The following CRAMP1 variants were observed in gnomAD, a reference collection of about 807,000 sequenced individuals.
The protein encoded by CRAMP1 is cramped chromatin regulator 1.
In CRAMP1, 50 loss-of-function variants were observed where a neutral mutation model predicts 115.4. That is an observed-to-expected ratio of 0.43 (90% confidence interval 0.35 to 0.55). CRAMP1 has a LOEUF of 0.55. Ranked by LOEUF, CRAMP1 falls within the 20% of genes least tolerant of loss-of-function variation. The pLI, the probability that CRAMP1 is intolerant of heterozygous loss-of-function variation, is 0.01. For synonymous variants in CRAMP1, 866 were observed against 745.4 expected, an observed-to-expected ratio of 1.16 and a Z score of -2.64; for missense variants, 1,679 against 1,721.7, an observed-to-expected ratio of 0.98 and a Z score of 0.44.
At position 1,672,395 on chromosome 16, in the gene CRAMP1, C is replaced by T. The variant is rs1411013802; in HGVS notation, c.3646-1486C>T. 6.6e-6 allele frequency among the ~76,000 whole-genome samples: 1 copy of T among 151,794 alleles called. No homozygotes were observed. Among genetic ancestry groups the T allele is most frequent in the Non-Finnish European group, 1.5e-5 (1 of 68,000 alleles). On this transcript the variant is annotated intron_variant, in intron 20 of 20. Coordinates refer to ENST00000397412, the MANE Select transcript of CRAMP1 (RefSeq NM_020825.4). This position sits in a 1 kb window ranked among gnomAD's most constrained non-coding sequence, Gnocchi z 4.9. Reference sequence around the variant, plus strand: ...ACGTGAGTATGTTTCTCAGCAGGTCCTCGTCATCTGGAAGGATGGGCTGAG... The same window carrying T: ...ACGTGAGTATGTTTCTCAGCAGGTCTTCGTCATCTGGAAGGATGGGCTGAG...
intron 2 of CRAMP1, among the ~76,000 whole-genome samples, chr16:1,617,070 C>A (rs13336178): frequency 6.6e-6 from 1 of 151,924 alleles, no homozygotes; most frequent in Non-Finnish European, 1.5e-5. Context: ...GTGATCCTCC[C>A]GCCTCAGCCC....
chr16:1,664,922 T>C, intron 13 of CRAMP1, 135 bp from the exon 14 acceptor site: 1 of 673,634 alleles, frequency 1.5e-6, no homozygotes, highest in South Asian at 1.7e-5. Context: ...CCAGGTACCC[T>C]GTGTCATCGG....
rs531233897 is a variant in CRAMP1 at position 1,675,831 on chromosome 16, T to C, written c.*1786T>C. 1 of 152,374 alleles carries C rather than the reference T, an allele frequency of 6.6e-6. No homozygotes were observed. Among genetic ancestry groups the C allele is most frequent in the African/African-American group, 2.4e-5 (1 of 41,580 alleles). 9.4% of individuals were successfully genotyped at this position (152,374 alleles called of 1,614,324 possible). A position where few individuals can be genotyped will look rare whatever the true frequency, so the allele number is the denominator to read the frequency against. ...CCTCTTAGGGGTGAAAAAAGAAACA[T>C]GCCACTTGATTAGGAGAGAGACAGC... On this transcript the variant is annotated 3_prime_UTR_variant, in exon 21 of 21. Coordinates refer to ENST00000397412, the MANE Select transcript of CRAMP1 (RefSeq NM_020825.4).
Position 1,674,380 on chromosome 16 carries a change from T to G in CRAMP1, c.*335T>G, listed in dbSNP as rs1459693455. On this transcript the variant is annotated 3_prime_UTR_variant, in exon 21 of 21. Coordinates refer to ENST00000397412, the MANE Select transcript of CRAMP1 (RefSeq NM_020825.4). Reference sequence around the variant, plus strand: ...GTTGGACATTCCGGTGGCATTTCCTTCTGAGACAAGGGAGTATGTGTGCCT... The same window carrying G: ...GTTGGACATTCCGGTGGCATTTCCTGCTGAGACAAGGGAGTATGTGTGCCT... The G allele has an allele frequency of 3.3e-6, 1 of 302,928 alleles. No homozygotes were observed. Among genetic ancestry groups the G allele is most frequent in the Non-Finnish European group, 6.3e-6 (1 of 159,610 alleles). The allele number at this position is 302,928 out of a possible 1,614,324, so 18.8% of individuals were successfully genotyped here.
intron 2 of CRAMP1, among the ~76,000 whole-genome samples, chr16:1,624,996 G>A (rs1407737532): frequency 6.6e-6 from 1 of 152,122 alleles, no homozygotes; most frequent in Non-Finnish European, 1.5e-5. Context: ...CAAAGTGCTG[G>A]GATTACAGGA....
intron 6 of CRAMP1, chr16:1,645,297 G>A (rs1050507745): frequency 9.4e-6 from 2 of 213,540 alleles, no homozygotes; most frequent in South Asian, 4.4e-5. Flanking sequence ...AGCGATTCTC[G>A]TGCCTCAGCT....
intron 2 of CRAMP1, among the ~76,000 whole-genome samples, chr16:1,625,442 A>G (rs968192146): frequency 3.9e-5 from 6 of 152,186 alleles, no homozygotes; most frequent in Admixed American, 3.9e-4. Context: ...GATTGAGGGT[A>G]AGGAATTTTA....
chr16:1,666,441 T>A lies in CRAMP1; in HGVS notation c.2877T>A (p.Ala959=). ...SHLASAIDLA[A]TSAGILSGNP... is the part of the protein sequence containing the mutation. ...TGCCAGGTGCTATCGACTTAGCAGC[T>A]ACAAGTGCCGGCATCCTTTCCGGGA... The change falls in exon 16 of 21, where the codon GCT becomes GCA. Residue 959 remains alanine (A), a synonymous_variant. Coordinates refer to ENST00000397412, the MANE Select transcript of CRAMP1 (RefSeq NM_020825.4). The surrounding 1 kb of genome is among the most constrained non-coding windows in gnomAD (Gnocchi z 5.0). 1 of 1,613,450 alleles carries A rather than the reference T, an allele frequency of 6.2e-7. No individual in the cohort carries two copies. Among genetic ancestry groups the A allele is most frequent in the Non-Finnish European group, 8.5e-7 (1 of 1,179,650 alleles).
At chr16:1,641,674 C>G (rs1055893019) in intron 6 of CRAMP1, among the ~76,000 whole-genome samples, 1 of 152,204 alleles carries the variant, frequency 6.6e-6, no homozygotes, top group Non-Finnish European at 1.5e-5. Context: ...GGCACATGCT[C>G]TCCTGGCCAC....
chr16:1,625,695 G>A lies in CRAMP1; in HGVS notation c.347-278G>A, dbSNP rs2036502387. The A allele has an allele frequency of 6.2e-6, 2 of 323,252 alleles. 1 individual carries two copies. The highest frequency in any genetic ancestry group is 1.1e-4 in the South Asian group (2 of 18,812). The allele number at this position is 323,252 out of a possible 1,614,324, so 20.0% of individuals were successfully genotyped here. A position where few individuals can be genotyped will look rare whatever the true frequency, so the allele number is the denominator to read the frequency against. The stretch of plus-strand genomic sequence containing the variant: ...CTCCATTGTGGACAGGGCGTCTTAG[G>A]CTGCAGCGTCATTGTGCTGTTACAT... On this transcript the variant is annotated intron_variant, in intron 2 of 20. Transcript: ENST00000397412.
At chr16:1,659,696 CTT>C (rs1170843974) in intron 10 of CRAMP1, among the ~76,000 whole-genome samples, 188 bp from the exon 11 acceptor site, 1 of 152,188 alleles carries the variant, frequency 6.6e-6, no homozygotes, top group African/African-American at 2.4e-5. Context: ...CGACCAGTAA[CTT>C]TTAAAACTGG....
chr16:1,651,372 G>A (rs1011377874), intron 6 of CRAMP1, among the ~76,000 whole-genome samples: 9 of 149,882 alleles, frequency 6.0e-5, no homozygotes, highest in African/African-American at 1.7e-4. Flanking sequence ...CACAGGTCAC[G>A]GAAAGGTGGA....
At chr16:1,665,995 A>C in intron 14 of CRAMP1, 78 bp from the exon 15 acceptor site, 1 of 910,012 alleles carries the variant, frequency 1.1e-6, no homozygotes, top group Non-Finnish European at 1.8e-6. Context: ...CTGTAAAGGA[A>C]GCCCCCTGCG....
chr16:1,633,186 C>T (rs557390636), intron 4 of CRAMP1, among the ~76,000 whole-genome samples: 2 of 152,354 alleles, frequency 1.3e-5, no homozygotes, highest in South Asian at 4.1e-4. Context: ...ACCTAAAGTC[C>T]TTCGCCTTGG....
chr16:1,655,757 G>T, intron 9 of CRAMP1, 120 bp from the exon 10 acceptor site: 1 of 1,136,972 alleles, frequency 8.8e-7, no homozygotes, highest in Non-Finnish European at 1.3e-6. Flanking sequence ...ACGGGTGGTG[G>T]CATGATTTAT....
At chr16:1,621,852 T>C (rs2036468008) in intron 2 of CRAMP1, among the ~76,000 whole-genome samples, 1 of 152,194 alleles carries the variant, frequency 6.6e-6, no homozygotes, top group Non-Finnish European at 1.5e-5. Flanking sequence ...GGACCTGGCT[T>C]TGGCCTTCTG....
At position 1,652,523 on chromosome 16, in the gene CRAMP1, G is replaced by A. The variant is rs1382407511; in HGVS notation, c.855G>A (p.Arg285=). The A allele has an allele frequency of 6.4e-7, 1 of 1,552,520 alleles. No homozygotes were observed. Among genetic ancestry groups the A allele is most frequent in the Admixed American group, 2.0e-5 (1 of 51,118 alleles). The part of the protein sequence containing the change: ...VGATTVRYKG[R]NLRIKAPMCR... ...CCACCACTGTACGTTACAAAGGGCG[G>A]AACCTGCGGATCAAAGCGCCCATGT... Residue 285 remains arginine, a synonymous_variant, in exon 7 of 21, where the codon CGG becomes CGA. Coordinates refer to ENST00000397412, the MANE Select transcript of CRAMP1 (RefSeq NM_020825.4).
intron 6 of CRAMP1, among the ~76,000 whole-genome samples, chr16:1,646,527 T>G (rs1378070747): frequency 6.6e-6 from 1 of 152,216 alleles, no homozygotes; most frequent in Non-Finnish European, 1.5e-5. Flanking sequence ...TTTCTTCTTC[T>G]TGAGTTTAGA....
intron 8 of CRAMP1, 28 bp from the exon 9 acceptor site, chr16:1,655,191 C>A: frequency 6.3e-7 from 1 of 1,589,204 alleles, no homozygotes; most frequent in Non-Finnish European, 8.6e-7. Flanking sequence ...CTGCGAACCT[C>A]ACTTCCTCCT....
Sources: allele counts gnomAD v4.1 joint callset (sites outside exome capture counted in the v4.1 genomes callset), GRCh38; gene constraint gnomAD v4.1.1; non-coding constraint Gnocchi (gnomAD v3.1); transcripts MANE v1.5; gene names NCBI Gene and HGNC (gene_info 2026-07-23, HGNC 2026-07-21).